Variants in ZNF124 observed in about 807,000 individuals in gnomAD.
The protein encoded by ZNF124 is zinc finger protein HZF-16.
Under a neutral mutation model 26.6 loss-of-function variants are expected in ZNF124, and 25 were observed. The ratio of observed to expected loss-of-function variants is 0.94; its 90% confidence interval spans 0.68 to 1.31. The LOEUF is 1.31. Ranked by LOEUF, ZNF124 falls within the 40% of genes most tolerant of loss-of-function variation. The probability of loss-of-function intolerance (pLI) is 0.00; values close to 1 mark genes in which losing one functional copy is unlikely to be tolerated. For missense variants in ZNF124, 444 were observed against 422.2 expected, an observed-to-expected ratio of 1.05 and a Z score of -0.45; for synonymous variants, 129 against 133.3, an observed-to-expected ratio of 0.97 and a Z score of 0.22.
At chr1:247,170,994 AGTGATGATG>A (rs1674086979) in intron 1 of ZNF124, among the ~76,000 whole-genome samples, 2 of 68,372 alleles carry the variant, frequency 2.9e-5, no homozygotes, top group South Asian at 1.6e-3. Flanking sequence ...TCCTCCCTTA[AGTGATGATG>A]GTGCCCTGAG....
At chr1:247,154,115 G>A (rs947402999), downstream of ZNF124, among the ~76,000 whole-genome samples, 4 of 113,550 alleles carry the variant, frequency 3.5e-5, no homozygotes, top group South Asian at 1.2e-3. Flanking sequence ...ACGCATATGT[G>A]TGACACACAC....
chr1:247,145,941 G>A (rs1017778004), intron 3 of ZNF124, among the ~76,000 whole-genome samples: 2 of 152,200 alleles, frequency 1.3e-5, no homozygotes, highest in African/African-American at 4.8e-5. Flanking sequence ...GTAATTGAGT[G>A]ACTGGACACA....
In ZNF124 at chr1:247,170,714, C is replaced by T. The variant is rs915267938; in HGVS notation, c.30+1134G>A. Among the ~76,000 whole-genome samples, 55 of 142,994 alleles carry T rather than the reference C, an allele frequency of 3.8e-4. 3 individuals are homozygous for T. Among genetic ancestry groups the T allele is most frequent in the African/African-American group, 5.4e-4 (19 of 35,090 alleles). 93.8% of individuals were successfully genotyped at this position (142,994 alleles called of 152,430 possible). ...GGGGTCCACGTGAGAGGGTCGTGATCGATTGACCAAGCAGGGGGTACATAA... is the reference window on the plus strand; with the variant it reads ...GGGGTCCACGTGAGAGGGTCGTGATTGATTGACCAAGCAGGGGGTACATAA... On this transcript the variant is annotated intron_variant, in intron 1 of 3. Transcript: ENST00000543802.
chr1:247,161,811 G>C (rs1481450447), intron 1 of ZNF124, among the ~76,000 whole-genome samples: 1 of 152,046 alleles, frequency 6.6e-6, no homozygotes. Context: ...AAAAATTAGA[G>C]AATCTCAAGT....
downstream of ZNF124, among the ~76,000 whole-genome samples, chr1:247,150,771 TA>T (rs1558380691): frequency 6.6e-6 from 1 of 151,872 alleles, no homozygotes; most frequent in Non-Finnish European, 1.5e-5. Context: ...AACACTCAAT[TA>T]TGAATGAATT....
At chr1:247,161,706 AAG>A (rs1481964550) in intron 1 of ZNF124, among the ~76,000 whole-genome samples, 1 of 152,134 alleles carries the variant, frequency 6.6e-6, no homozygotes, top group African/African-American at 2.4e-5. Flanking sequence ...CATTTATGGA[AAG>A]AGATCCATTT....
Position 247,171,909 on chromosome 1 carries a change from C to A in ZNF124, c.-32G>T, listed in dbSNP as rs1484893639. 1.3e-4 allele frequency: 1 copy of A among 7,904 alleles called. No individual in the cohort carries two copies. The highest frequency in any genetic ancestry group is 6.0e-4 in the African/African-American group (1 of 1,666). 0.5% of individuals were successfully genotyped at this position (7,904 alleles called of 1,614,324 possible). A position where few individuals can be genotyped will look rare whatever the true frequency, so the allele number is the denominator to read the frequency against. On this transcript the variant is annotated 5_prime_UTR_variant, in exon 1 of 4. Transcript: ENST00000543802. ...TGCGAATCCCCCAGTACATGCAGGT[C>A]ACAGGAGGGCCCCGGCTGCGGCAGA...
intron 3 of ZNF124, among the ~76,000 whole-genome samples, chr1:247,146,117 G>A (rs2103109510): frequency 6.6e-6 from 1 of 152,336 alleles, no homozygotes; most frequent in African/African-American, 2.4e-5. Context: ...GGTTCCGCAT[G>A]GCTGACACTG....
At chr1:247,152,589 G>T (rs186492022), downstream of ZNF124, among the ~76,000 whole-genome samples, 4 of 152,152 alleles carry the variant, frequency 2.6e-5, no homozygotes, top group Non-Finnish European at 5.9e-5. Context: ...AGACTTTATG[G>T]TAAATCATTG....
At chr1:247,163,925 C>A (rs1266023411) in intron 1 of ZNF124, among the ~76,000 whole-genome samples, 1 of 152,088 alleles carries the variant, frequency 6.6e-6, no homozygotes, top group African/African-American at 2.4e-5. Context: ...CCAGCACACA[C>A]CAAAAACCTA....
chr1:247,136,402 CAA>C (rs1672484419), intron 3 of ZNF124, among the ~76,000 whole-genome samples: 1 of 152,062 alleles, frequency 6.6e-6, no homozygotes, highest in South Asian at 2.1e-4. Flanking sequence ...ACAATCACTA[CAA>C]AGAGAATAAA....
At chr1:247,159,907 G>T in intron 1 of ZNF124, 94 bp from the exon 2 acceptor site, 2 of 1,445,782 alleles carry the variant, frequency 1.4e-6, no homozygotes, top group South Asian at 1.4e-5. Flanking sequence ...ATTCTGTGGC[G>T]AACATTTATT....
At chr1:247,145,107 A>G (rs1672728728) in intron 3 of ZNF124, among the ~76,000 whole-genome samples, 1 of 152,130 alleles carries the variant, frequency 6.6e-6, no homozygotes, top group African/African-American at 2.4e-5. Flanking sequence ...GTCAGTGTGG[A>G]ATCTCAAATT....
chr1:247,131,170 G>A (rs1186704132), intron 3 of ZNF124, among the ~76,000 whole-genome samples: 2 of 152,240 alleles, frequency 1.3e-5, no homozygotes, highest in African/African-American at 4.8e-5. Context: ...CCCATGGAGA[G>A]AAGGAAGAAC....
chr1:247,140,061 C>T (rs773571624), intron 3 of ZNF124, among the ~76,000 whole-genome samples: 66 of 152,158 alleles, frequency 4.3e-4, no homozygotes, highest in East Asian at 9.6e-4. Context: ...GGGAAGTTTT[C>T]GTGGATGATA....
intron 1 of ZNF124, among the ~76,000 whole-genome samples, chr1:247,163,428 T>C (rs1673604398): frequency 7.0e-6 from 1 of 141,924 alleles, no homozygotes; most frequent in Non-Finnish European, 1.5e-5. Context: ...ATAAACACAA[T>C]CAGAAGTGAC....
At chr1:247,128,706 G>A (rs1289590904) in intron 3 of ZNF124, among the ~76,000 whole-genome samples, 1 of 149,656 alleles carries the variant, frequency 6.7e-6, no homozygotes, top group Admixed American at 6.7e-5. Context: ...AGGGAAGAAA[G>A]AATTTCTGCC....
At chr1:247,137,881 A>G (rs1672525204) in intron 3 of ZNF124, among the ~76,000 whole-genome samples, 1 of 152,246 alleles carries the variant, frequency 6.6e-6, no homozygotes, top group South Asian at 2.1e-4. Context: ...TGATCATCAG[A>G]GAAATGCAAA....
At chr1:247,126,134 T>A (rs1368216940) in intron 3 of ZNF124, among the ~76,000 whole-genome samples, 1 of 151,786 alleles carries the variant, frequency 6.6e-6, no homozygotes, top group Admixed American at 6.6e-5. Context: ...TGTACCCTAT[T>A]TTAAATATCA....
Sources: allele counts gnomAD v4.1 joint callset (sites outside exome capture counted in the v4.1 genomes callset), GRCh38; gene constraint gnomAD v4.1.1; transcripts MANE v1.5; gene names NCBI Gene and HGNC (gene_info 2026-07-23, HGNC 2026-07-21).